Variants in BPTF observed in about 807,000 individuals in gnomAD.
The protein encoded by BPTF is nucleosome-remodeling factor subunit BPTF.
BPTF carries 18 observed loss-of-function variants against 292.5 expected under a neutral mutation model. That is an observed-to-expected ratio of 0.06 (90% CI 0.04 to 0.09). The LOEUF is 0.09. Ranked by LOEUF, BPTF falls within the 10% of genes least tolerant of loss-of-function variation. The pLI, the probability that BPTF is intolerant of heterozygous loss-of-function variation, is 1.00. For missense variants in BPTF, 2,726 were observed against 3,498.7 expected (o/e 0.78, Z 5.57); for synonymous variants, 1,225 against 1,251.9 (o/e 0.98, Z 0.45).
chr17:67,868,252 A>G (rs2059504189), intron 3 of BPTF, among the ~76,000 whole-genome samples: 1 of 152,164 alleles, frequency 6.6e-6, no homozygotes, highest in Admixed American at 6.5e-5. Context: ...AAAATCTCCA[A>G]TCTGACCTTC....
intron 20 of BPTF, 186 bp downstream of exon 20, chr17:67,944,558 G>T: frequency 1.6e-6 from 1 of 620,162 alleles, no homozygotes; most frequent in Non-Finnish European, 2.8e-6. Flanking sequence ...CAGACTCCCT[G>T]TTACCACCAC....
chr17:67,949,674 TAC>T (rs67389127), intron 23 of BPTF, among the ~76,000 whole-genome samples: 22 of 27,988 alleles, frequency 7.9e-4, no homozygotes, highest in Non-Finnish European at 2.2e-3. Context: ...TATATATATA[TAC>T]ACACAGACAT....
intron 26 of BPTF, chr17:67,973,886 A>G (rs2148573676): frequency 6.6e-6 from 1 of 152,012 alleles, no homozygotes; most frequent in Middle Eastern, 3.4e-3. Flanking sequence ...TACTAGATAC[A>G]GTTAAATCTG....
intron 13 of BPTF, among the ~76,000 whole-genome samples, chr17:67,922,315 T>C (rs548229299): frequency 6.6e-6 from 1 of 152,326 alleles, no homozygotes; most frequent in Admixed American, 6.5e-5. Flanking sequence ...TTAAATCTTT[T>C]TATGAGGAGA....
intron 3 of BPTF, among the ~76,000 whole-genome samples, chr17:67,869,186 A>T: frequency 6.6e-6 from 1 of 152,222 alleles, no homozygotes; most frequent in East Asian, 1.9e-4. Context: ...GTGTTTTAGT[A>T]CAACAACAGA....
chr17:67,977,458 T>C (rs1292613922), intron 27 of BPTF, among the ~76,000 whole-genome samples: 1 of 151,464 alleles, frequency 6.6e-6, no homozygotes, highest in East Asian at 1.9e-4. Flanking sequence ...CAGGCTGCAG[T>C]GAGCTGAGAT....
At chr17:67,978,931 C>G (rs1599072861) in intron 27 of BPTF, among the ~76,000 whole-genome samples, 1 of 151,960 alleles carries the variant, frequency 6.6e-6, no homozygotes, top group African/African-American at 2.4e-5. Context: ...AATCCCAACA[C>G]ATTGAGAGGC....
At chr17:67,872,496 A>G (rs181277748) in intron 3 of BPTF, among the ~76,000 whole-genome samples, 120 of 152,270 alleles carry the variant, frequency 7.9e-4, no homozygotes, top group African/African-American at 2.8e-3. Flanking sequence ...ACCTGAGGTC[A>G]GGAGTTTGAG....
At chr17:67,857,148 A>ATTTTTTTTTTTTTTTT (rs35727338) in intron 2 of BPTF, among the ~76,000 whole-genome samples, 1 of 97,586 alleles carries the variant, frequency 1.0e-5, no homozygotes, top group Non-Finnish European at 2.1e-5. Context: ...GTCTTTAACA[A>ATTTTTTTTTTTTTTTT]TTTTTTTTTT....
intron 2 of BPTF, among the ~76,000 whole-genome samples, chr17:67,855,870 A>G (rs556479770): frequency 6.6e-6 from 1 of 152,334 alleles, no homozygotes; most frequent in South Asian, 2.1e-4. Context: ...TGCTGTCGAG[A>G]GGTCTGAATC....
At chr17:67,947,664 A>G in intron 21 of BPTF, 62 bp from the exon 22 acceptor site, 9 of 1,242,580 alleles carry the variant, frequency 7.2e-6, no homozygotes, top group South Asian at 1.4e-5. Flanking sequence ...TACTGTTGTT[A>G]TCTGTGTACT....
chr17:67,864,624 A>G (rs2059288602), intron 2 of BPTF, among the ~76,000 whole-genome samples: 1 of 151,964 alleles, frequency 6.6e-6, no homozygotes, highest in African/African-American at 2.4e-5. Context: ...GCAGGTATTC[A>G]CTGTTTTGCT....
intron 4 of BPTF, among the ~76,000 whole-genome samples, chr17:67,879,779 T>TGACAGGCTC (rs1281942748): frequency 1.3e-4 from 20 of 152,206 alleles, no homozygotes; most frequent in Non-Finnish European, 2.8e-4. Flanking sequence ...GGGTGGCAGA[T>TGACAGGCTC]GACAGGCTCT....
intron 7 of BPTF, among the ~76,000 whole-genome samples, chr17:67,898,458 TATTTTTAATTTTTTTAC>T (rs748164430): frequency 9.9e-5 from 15 of 152,220 alleles, no homozygotes; most frequent in Non-Finnish European, 2.1e-4. Context: ...TGGGTTTTTT[TATTTTTAATTTTTTTAC>T]ATTTTTAATT....
At chr17:67,833,478 G>A (rs1224828233) in intron 1 of BPTF, among the ~76,000 whole-genome samples, 3 of 151,860 alleles carry the variant, frequency 2.0e-5, no homozygotes, top group Non-Finnish European at 2.9e-5. Flanking sequence ...GAGCACATTC[G>A]TGTACATGTT....
At position 67,858,511 on chromosome 17, in the gene BPTF, C is replaced by T. The variant is rs551801347; in HGVS notation, c.1436+3749C>T. Among the ~76,000 whole-genome samples, 9 of 146,196 alleles carry T rather than the reference C, an allele frequency of 6.2e-5. No individual in the cohort carries two copies. In the South Asian group the frequency reaches 1.5e-3, roughly 24 times the overall value. ...CGGAGGTTGCAATGAGCCGAGATGG[C>T]GCCACTGTACTCCAGCCTGGGTGAT... On this transcript the variant is annotated intron_variant, in intron 2 of 27. Transcript: ENST00000306378.
chr17:67,947,626 T>A, intron 21 of BPTF, 100 bp from the exon 22 acceptor site: 1 of 923,728 alleles, frequency 1.1e-6, no homozygotes, highest in African/African-American at 1.7e-5. Context: ...ACAGTTTCTT[T>A]AAAAAAACAC....
chr17:67,909,640 T>A lies in BPTF; in HGVS notation c.2871T>A (p.Ser957Arg). Residue 957 changes from serine (S) to arginine (R), a missense_variant, in exon 10 of 28, where the codon AGT (serine) becomes AGA (arginine). By Grantham distance (110) the Ser-to-Arg change is moderately radical. Transcript: ENST00000306378. ...DESDKRKCSR[S>R]PKKIKIEPDS... Reference sequence around the variant, plus strand: ...CAGATAAAAGAAAATGTTCACGAAGTCCAAAAAAAATAAAAATAGAGCCTG... The same window carrying A: ...CAGATAAAAGAAAATGTTCACGAAGACCAAAAAAAATAAAAATAGAGCCTG... The A allele has an allele frequency of 6.3e-7, 1 of 1,594,916 alleles. No individual in the cohort carries two copies. The highest frequency in any genetic ancestry group is 8.5e-7 in the Non-Finnish European group (1 of 1,173,400).
Position 67,959,801 on chromosome 17 carries a change from C to G in BPTF, c.8187C>G (p.Ile2729Met). ...CAAAGTCCAAGAAAAAGAAAATGAT[C>G]TCTACTACCTCAAAGGAAACTAAGA... ...SSSKSKKKKM[I>M]STTSKETKKD... The change falls in exon 24 of 28, where the codon ATC becomes ATG. Residue 2729 changes from isoleucine to methionine, a missense_variant. This residue lies in a region of BPTF where 148 missense variants were observed against 145.5 expected (regional missense o/e 1.02). Transcript: ENST00000306378. The G allele has an allele frequency of 6.2e-7, 1 of 1,614,052 alleles. No individual in the cohort carries two copies. Among genetic ancestry groups the G allele is most frequent in the Non-Finnish European group, 8.5e-7 (1 of 1,180,004 alleles).
Sources: allele counts gnomAD v4.1 joint callset (sites outside exome capture counted in the v4.1 genomes callset), GRCh38; gene constraint gnomAD v4.1.1; regional missense constraint gnomAD v4.1.1; transcripts MANE v1.5; gene names NCBI Gene and HGNC (gene_info 2026-07-23, HGNC 2026-07-21).